The following HERC1 variants were observed in gnomAD, a reference collection of about 807,000 sequenced individuals.
The protein encoded by HERC1 is HECT and RLD domain containing E3 ubiquitin protein ligase family member 1, also known as probable E3 ubiquitin-protein ligase HERC1.
HERC1 carries 160 observed loss-of-function variants against 554.3 expected under a neutral mutation model. The ratio of observed to expected loss-of-function variants is 0.29; its 90% CI spans 0.25 to 0.33. The LOEUF is 0.33. Among genes scored for constraint, HERC1 ranks in the 10% least tolerant of loss-of-function variants. HERC1 has a pLI of 1.00. For synonymous variants in HERC1, 2,175 were observed against 2,131.7 expected (o/e 1.02, Z -0.56); for missense variants, 4,919 against 5,918.5 (o/e 0.83, Z 5.54).
chr15:63,805,396 A>C (rs2077107034), intron 1 of HERC1, among the ~76,000 whole-genome samples: 1 of 152,224 alleles, frequency 6.6e-6, no homozygotes, highest in Admixed American at 6.5e-5. Flanking sequence ...CAAAGACTAC[A>C]TAACTATGGT....
In HERC1 at chr15:63,797,980, T is replaced by C. The variant is rs141445385; in HGVS notation, c.-26-22331A>G. 1.3e-3 allele frequency among the ~76,000 whole-genome samples: 198 copies of C among 152,240 alleles called. 1 individual carries two copies. Among genetic ancestry groups the C allele is most frequent in the African/African-American group, 4.5e-3 (185 of 41,540 alleles). On this transcript the variant is annotated intron_variant, in intron 1 of 77. Transcript: ENST00000443617. ...TATTTTCACTGCCCCATAATATCAC[T>C]CCCTGGAAAAATTAACTCTAAATGT...
intron 73 of HERC1, among the ~76,000 whole-genome samples, 200 bp downstream of exon 73, chr15:63,623,525 A>G (rs2068176081): frequency 6.6e-6 from 1 of 152,244 alleles, no homozygotes; most frequent in South Asian, 2.1e-4. Context: ...ATATTTATGT[A>G]GTAAGGTATC....
At chr15:63,778,460 C>T (rs1441447976) in intron 1 of HERC1, among the ~76,000 whole-genome samples, 1 of 152,044 alleles carries the variant, frequency 6.6e-6, no homozygotes, top group Non-Finnish European at 1.5e-5. Context: ...GTTAAATAAG[C>T]ATTTGTTGAA....
chr15:63,763,107 C>T (rs141150955), intron 3 of HERC1, among the ~76,000 whole-genome samples: 1 of 152,280 alleles, frequency 6.6e-6, no homozygotes, highest in African/African-American at 2.4e-5. Context: ...AGCCATGGCC[C>T]CCTGGTGTCC....
chr15:63,796,959 G>A (rs2076832778), intron 1 of HERC1, among the ~76,000 whole-genome samples: 1 of 152,138 alleles, frequency 6.6e-6, no homozygotes, highest in Non-Finnish European at 1.5e-5. Context: ...AGGGTATTAT[G>A]AGGCATATCT....
At chr15:63,737,772 C>T (rs1388580154) in intron 12 of HERC1, among the ~76,000 whole-genome samples, 2 of 151,558 alleles carry the variant, frequency 1.3e-5, no homozygotes, top group Non-Finnish European at 1.5e-5. Flanking sequence ...GAAGAACTTG[C>T]TATATAGCAT....
chr15:63,670,384 T>C (rs962712157), intron 39 of HERC1, among the ~76,000 whole-genome samples: 1 of 152,230 alleles, frequency 6.6e-6, no homozygotes, highest in Non-Finnish European at 1.5e-5. Flanking sequence ...CCACACTGAC[T>C]GCTCTTCAGA....
chr15:63,755,362 A>G (rs1596164023), intron 5 of HERC1, 37 bp from the exon 6 acceptor site: 1 of 1,413,994 alleles, frequency 7.1e-7, no homozygotes, highest in Non-Finnish European at 1.0e-6. Context: ...GAGTATGCAC[A>G]TGTTAAAACA....
At chr15:63,751,769 A>G (rs1035789056) in intron 8 of HERC1, among the ~76,000 whole-genome samples, 1 of 152,182 alleles carries the variant, frequency 6.6e-6, no homozygotes, top group Non-Finnish European at 1.5e-5. Flanking sequence ...TAAGGTACTC[A>G]TAATACAACT....
Position 63,680,436 on chromosome 15 carries a change from C to T in HERC1, c.6465+101G>A, listed in dbSNP as rs372365920. ...GAAAGTATTAGAGAGAAAGGAGAGA[C>T]GAGCAGATAATCTATAAACTGAATA... On this transcript the variant is annotated intron_variant, in intron 35 of 77. Transcript: ENST00000443617. This position sits in a 1 kb window ranked among gnomAD's most constrained non-coding sequence, Gnocchi z 5.8. The T allele has an allele frequency of 4.9e-5, 60 of 1,226,620 alleles. No homozygotes were observed. The highest frequency in any genetic ancestry group is 4.8e-4 in the East Asian group (19 of 39,780). The allele number at this position is 1,226,620 out of a possible 1,614,324, so 76.0% of individuals were successfully genotyped here. A position where few individuals can be genotyped will look rare whatever the true frequency, so the allele number is the denominator to read the frequency against.
chr15:63,681,744 G>C (rs1212057291), intron 34 of HERC1, among the ~76,000 whole-genome samples: 1 of 152,166 alleles, frequency 6.6e-6, no homozygotes, highest in East Asian at 1.9e-4. Context: ...CCAGCCCCCA[G>C]TAAAAACCTT....
chr15:63,712,527 T>A (rs1452440841), intron 24 of HERC1, among the ~76,000 whole-genome samples: 1 of 152,212 alleles, frequency 6.6e-6, no homozygotes, highest in Non-Finnish European at 1.5e-5. Flanking sequence ...CCCAACTCAT[T>A]CGGGTGGAAT....
intron 14 of HERC1, among the ~76,000 whole-genome samples, chr15:63,730,900 T>C (rs2074262631): frequency 1.3e-5 from 2 of 152,188 alleles, no homozygotes; most frequent in African/African-American, 4.8e-5. Flanking sequence ...TTAGAAAATA[T>C]CAAAACTCTA....
chr15:63,703,302 T>A (rs1298256357), intron 25 of HERC1, among the ~76,000 whole-genome samples: 1 of 152,166 alleles, frequency 6.6e-6, no homozygotes, highest in Non-Finnish European at 1.5e-5. Flanking sequence ...TTCAACAGCG[T>A]GAATCTTAGT....
chr15:63,771,125 G>A (rs1283397353), intron 2 of HERC1, among the ~76,000 whole-genome samples: 3 of 151,838 alleles, frequency 2.0e-5, no homozygotes, highest in Non-Finnish European at 2.9e-5. Flanking sequence ...GGAGGCAGAG[G>A]TTGCAGTGAG....
chr15:63,705,486 T>G (rs2072954578), intron 25 of HERC1, among the ~76,000 whole-genome samples: 1 of 152,040 alleles, frequency 6.6e-6, no homozygotes, highest in Non-Finnish European at 1.5e-5. Context: ...CATTTATTCT[T>G]TTGAGCTATA....
chr15:63,725,215 A>C (rs1178091156), intron 18 of HERC1, 77 bp downstream of exon 18: 4 of 1,268,168 alleles, frequency 3.2e-6, no homozygotes, highest in Middle Eastern at 2.7e-4. Flanking sequence ...TTCTCTATTT[A>C]GCAAATCAGA....
intron 44 of HERC1, among the ~76,000 whole-genome samples, chr15:63,662,644 G>A (rs1029043809): frequency 6.6e-6 from 1 of 152,184 alleles, no homozygotes; most frequent in Non-Finnish European, 1.5e-5. Flanking sequence ...AGCAATGTGA[G>A]CACAGCAGCC....
intron 1 of HERC1, among the ~76,000 whole-genome samples, chr15:63,805,266 C>T (rs937148568): frequency 6.6e-6 from 1 of 152,072 alleles, no homozygotes; most frequent in African/African-American, 2.4e-5. Context: ...ACGACTGATT[C>T]AAACAACACA....
Sources: gnomAD v4.1 joint callset for allele counts (sites outside exome capture counted in the v4.1 genomes callset) on GRCh38, gnomAD v4.1.1 for gene constraint, Gnocchi (gnomAD v3.1) non-coding constraint, MANE v1.5 for transcripts, NCBI Gene and HGNC (gene_info 2026-07-23, HGNC 2026-07-21) for gene names.